The following VDR variants were observed in gnomAD, a reference collection of about 807,000 sequenced individuals.
VDR encodes vitamin D3 receptor.
VDR carries 19 observed loss-of-function variants against 39.7 expected under a neutral mutation model. The observed-to-expected ratio is 0.48, with a 90% CI of 0.33 to 0.70. VDR has a LOEUF of 0.70. VDR is among the 30% of genes least tolerant of loss of function. The pLI is 0.02. For missense variants in VDR, 442 were observed against 570.5 expected, an observed-to-expected ratio of 0.77 and a Z score of 2.29; for synonymous variants, 242 against 215.8, an observed-to-expected ratio of 1.12 and a Z score of -1.07.
In VDR at chr12:47,857,567, G is replaced by A. The variant is rs201001675; in HGVS notation, c.399C>T (p.Ala133=). 4.3e-6 allele frequency: 7 copies of A among 1,614,232 alleles called. No individual in the cohort carries two copies. Among genetic ancestry groups the A allele is most frequent in the Non-Finnish European group, 5.9e-6 (7 of 1,180,054 alleles). The part of the protein sequence containing the change: ...KLSEEQQRII[A]ILLDAHHKTY... ...TCTTATGGTGGGCGTCCAGCAGTATGGCAATGATGCGCTGCTGCTCCTCAG... is the reference window on the plus strand; with the variant it reads ...TCTTATGGTGGGCGTCCAGCAGTATAGCAATGATGCGCTGCTGCTCCTCAG... Residue 133 remains alanine (A), a synonymous_variant, in exon 5 of 10, where the codon GCC becomes GCT. Coordinates refer to ENST00000549336, the MANE Select transcript of VDR (RefSeq NM_000376.3).
At chr12:47,881,278 T>C (rs1272106293) in intron 2 of VDR, among the ~76,000 whole-genome samples, 1 of 152,096 alleles carries the variant, frequency 6.6e-6, no homozygotes, top group Non-Finnish European at 1.5e-5. Context: ...TTCTCACTTA[T>C]AAGTGGGAAC....
intron 1 of VDR, among the ~76,000 whole-genome samples, chr12:47,900,963 G>T (rs746502303): frequency 6.6e-6 from 1 of 152,100 alleles, no homozygotes; most frequent in Non-Finnish European, 1.5e-5. Context: ...GGACCTGCAG[G>T]GCAGGTTTGC....
At chr12:47,875,361 A>T (rs1049522321) in intron 3 of VDR, among the ~76,000 whole-genome samples, 1 of 152,234 alleles carries the variant, frequency 6.6e-6, no homozygotes, top group Non-Finnish European at 1.5e-5. Context: ...CTATCAGGAA[A>T]TGGTCAAGCA....
At chr12:47,890,899 G>A (rs888579454) in intron 1 of VDR, among the ~76,000 whole-genome samples, 8 of 152,130 alleles carry the variant, frequency 5.3e-5, no homozygotes, top group African/African-American at 9.7e-5. Flanking sequence ...AGAGGGACGC[G>A]ATGGGCAGGG....
At chr12:47,865,430 G>A (rs1204485468) in intron 3 of VDR, among the ~76,000 whole-genome samples, 1 of 152,144 alleles carries the variant, frequency 6.6e-6, no homozygotes, top group East Asian at 1.9e-4. Context: ...TTCTTTTGGG[G>A]GGACAGGGTG....
chr12:47,880,022 G>A (rs140280619), intron 2 of VDR, among the ~76,000 whole-genome samples: 139 of 152,228 alleles, frequency 9.1e-4, no homozygotes, highest in Middle Eastern at 3.4e-3. Context: ...TGTCTGCTGC[G>A]TCTGATCCCG....
intron 1 of VDR, among the ~76,000 whole-genome samples, chr12:47,886,056 G>T (rs1268326336): frequency 6.6e-6 from 1 of 152,134 alleles, no homozygotes; most frequent in East Asian, 1.9e-4. Context: ...ATCTAAACTG[G>T]GCTTTCTAAT....
chr12:47,854,430 T>C (rs1249131950), intron 7 of VDR, among the ~76,000 whole-genome samples: 1 of 151,996 alleles, frequency 6.6e-6, no homozygotes, highest in Non-Finnish European at 1.5e-5. Context: ...AGCCAGGAAA[T>C]GGTCTTTAAA....
At chr12:47,863,116 C>A (rs1229513127) in intron 4 of VDR, among the ~76,000 whole-genome samples, 3 of 152,142 alleles carry the variant, frequency 2.0e-5, no homozygotes, top group Admixed American at 6.5e-5. Context: ...GTAGGGTGCT[C>A]CTGGGCAGGG....
intron 7 of VDR, among the ~76,000 whole-genome samples, chr12:47,849,771 A>T (rs995182767): frequency 2.0e-5 from 3 of 152,238 alleles, no homozygotes; most frequent in Non-Finnish European, 4.4e-5. Context: ...AATACATAAA[A>T]ATGTAAAAAC....
intron 9 of VDR, among the ~76,000 whole-genome samples, chr12:47,845,430 C>T (rs1945261838): frequency 6.6e-6 from 1 of 152,108 alleles, no homozygotes; most frequent in African/African-American, 2.4e-5. Context: ...CCTGGCAACA[C>T]TCTACCTCTG....
chr12:47,871,262 G>T (rs1032511578), intron 3 of VDR, among the ~76,000 whole-genome samples: 6 of 147,262 alleles, frequency 4.1e-5, no homozygotes, highest in Admixed American at 6.8e-5. Flanking sequence ...ACAGAGGACT[G>T]GTTTCTTTCT....
intron 1 of VDR, among the ~76,000 whole-genome samples, chr12:47,884,868 A>T (rs537506718): frequency 3.3e-5 from 5 of 152,036 alleles, no homozygotes; most frequent in African/African-American, 1.2e-4. Flanking sequence ...AGCCCCTCTC[A>T]TCTGGGAAAA....
At chr12:47,888,832 T>C (rs1474920138) in intron 1 of VDR, among the ~76,000 whole-genome samples, 1 of 152,082 alleles carries the variant, frequency 6.6e-6, no homozygotes, top group Non-Finnish European at 1.5e-5. Flanking sequence ...TGGATTCTGG[T>C]TTTCTGCAAC....
rs767290901 is a variant in VDR at position 47,865,112 on chromosome 12, T to C, written c.212A>G (p.Asp71Gly). Residue 71 changes from aspartate to glycine, a missense_variant, in exon 4 of 10, where the codon GAC becomes GGC. Coordinates refer to ENST00000549336, the MANE Select transcript of VDR (RefSeq NM_000376.3). The part of the protein sequence containing the change: ...PFNGDCRITK[D>G]NRRHCQACRL... ...GCAGGCCTGGCAGTGGCGTCGGTTG[T>C]CCTTGGTGATGCGGCAGTCCCCGTT... 15 of 1,613,832 alleles carry C rather than the reference T, an allele frequency of 9.3e-6. No individual in the cohort carries two copies. Among genetic ancestry groups the C allele is most frequent in the Non-Finnish European group, 1.2e-5 (14 of 1,179,834 alleles).
chr12:47,883,037 C>T, intron 1 of VDR: 1 of 432,446 alleles, frequency 2.3e-6, no homozygotes, highest in Non-Finnish European at 4.1e-6. Flanking sequence ...GGCAACCAGC[C>T]CCAGGCAGAA....
intron 8 of VDR, 26 bp from the exon 9 acceptor site, chr12:47,846,477 G>T: frequency 6.4e-7 from 1 of 1,557,952 alleles, no homozygotes. Flanking sequence ...GCCAGGTACT[G>T]CGGGCAGAGC....
intron 7 of VDR, among the ~76,000 whole-genome samples, chr12:47,849,846 A>G (rs1023880427): frequency 1.5e-5 from 2 of 133,310 alleles, no homozygotes; most frequent in Non-Finnish European, 3.2e-5. Context: ...TTTTTTTCTT[A>G]TTTATTTATT....
At chr12:47,886,568 C>T (rs1359734246) in intron 1 of VDR, among the ~76,000 whole-genome samples, 1 of 152,176 alleles carries the variant, frequency 6.6e-6, no homozygotes, top group Non-Finnish European at 1.5e-5. Flanking sequence ...CTACTTCCTG[C>T]CCCGACTGTC....
Sources: gnomAD v4.1 joint callset for allele counts (sites outside exome capture counted in the v4.1 genomes callset) on GRCh38, gnomAD v4.1.1 for gene constraint, MANE v1.5 for transcripts, NCBI Gene and HGNC (gene_info 2026-07-23, HGNC 2026-07-21) for gene names.